The following ITPR2 variants were observed in gnomAD, a reference collection of about 807,000 sequenced individuals.
ITPR2 encodes inositol 1,4,5-trisphosphate receptor type 2, also known as inositol 1,4,5-trisphosphate-gated calcium channel ITPR2.
In ITPR2, 207 loss-of-function variants were observed where a neutral mutation model predicts 317.1. The observed-to-expected ratio is 0.65, with a 90% CI of 0.58 to 0.73. The LOEUF is 0.73. ITPR2 is among the 30% of genes least tolerant of loss of function. ITPR2 has a pLI of 0.00. For synonymous variants in ITPR2, 1,156 were observed against 1,149.1 expected (o/e 1.01, Z -0.12); for missense variants, 2,613 against 3,284.0 (o/e 0.80, Z 4.99).
chr12:26,524,817 A>G (rs1442966718), intron 37 of ITPR2, among the ~76,000 whole-genome samples: 1 of 152,230 alleles, frequency 6.6e-6, no homozygotes, highest in African/African-American at 2.4e-5. Flanking sequence ...GTTAAAATTA[A>G]GCAGGTTATC....
chr12:26,775,933 C>CATATATATATAT, intron 2 of ITPR2, among the ~76,000 whole-genome samples: 19,488 of 85,164 alleles, frequency 0.23, 4,996 homozygotes, highest in East Asian at 0.73. Context: ...CTCCCCTTTA[C>CATATATATATAT]ATATATATAT....
chr12:26,780,452 G>A (rs1351172701), intron 2 of ITPR2, among the ~76,000 whole-genome samples: 6 of 152,164 alleles, frequency 3.9e-5, no homozygotes, highest in Non-Finnish European at 8.8e-5. Flanking sequence ...ACACAACATT[G>A]CCACTGACCA....
chr12:26,832,833 G>T lies in ITPR2; in HGVS notation c.-52C>A. The T allele has an allele frequency of 7.0e-7, 1 of 1,420,138 alleles. No homozygotes were observed. The highest frequency in any genetic ancestry group is 9.8e-7 in the Non-Finnish European group (1 of 1,015,558). The allele number at this position is 1,420,138 out of a possible 1,614,324, so 88.0% of individuals were successfully genotyped here. ...CCCTCTTCTTCCCTGCGCCCTCGCC[G>T]CCCTCTCTCCAGGGAGCCGCCGCGG... On this transcript the variant is annotated 5_prime_UTR_variant, in exon 1 of 57. Coordinates refer to ENST00000381340, the MANE Select transcript of ITPR2 (RefSeq NM_002223.4).
chr12:26,513,515 T>C (rs1943410011), intron 37 of ITPR2, among the ~76,000 whole-genome samples: 2 of 151,940 alleles, frequency 1.3e-5, no homozygotes, highest in African/African-American at 4.8e-5. Flanking sequence ...CTCCAGCTGT[T>C]ACTCTTCCTC....
At chr12:26,818,512 G>C (rs1392113595) in intron 1 of ITPR2, among the ~76,000 whole-genome samples, 1 of 152,066 alleles carries the variant, frequency 6.6e-6, no homozygotes, top group Admixed American at 6.5e-5. Context: ...TGACCTGTCA[G>C]GTAAATAAAG....
At chr12:26,523,172 G>A (rs1943711418) in intron 37 of ITPR2, among the ~76,000 whole-genome samples, 1 of 152,142 alleles carries the variant, frequency 6.6e-6, no homozygotes, top group Non-Finnish European at 1.5e-5. Context: ...TCTTTACCAA[G>A]CCCCAATTTC....
Position 26,735,496 on chromosome 12 carries a change from AGG to A in ITPR2, c.164-9733_164-9732del, listed in dbSNP as rs905249204. Among the ~76,000 whole-genome samples the A allele has an allele frequency of 2.0e-5, 3 of 151,962 alleles. No homozygotes were observed. The South Asian group carries it at 6.3e-4, about 32-fold the overall frequency. On this transcript the variant is annotated intron_variant, in intron 2 of 56. Coordinates refer to ENST00000381340, the MANE Select transcript of ITPR2 (RefSeq NM_002223.4). ...GGGAAGGAGAAGAGAGGAGAGGGAG[AGG>A]GGGAAGGGAGAAGAAGAGGAGGGAA... is the stretch of plus-strand genomic sequence containing the variant.
intron 48 of ITPR2, among the ~76,000 whole-genome samples, chr12:26,430,680 T>G (rs1941181946): frequency 6.6e-6 from 1 of 152,252 alleles, no homozygotes; most frequent in African/African-American, 2.4e-5. Flanking sequence ...TGATATTATT[T>G]TAATAATACA....
chr12:26,782,034 G>A (rs4963669), intron 2 of ITPR2, among the ~76,000 whole-genome samples: 4,272 of 44,078 alleles, frequency 0.097, 257 homozygotes, highest in Non-Finnish European at 0.11. Context: ...ATATATATAT[G>A]TATAGAGAGA....
At chr12:26,360,248 G>A (rs889314801) in intron 55 of ITPR2, among the ~76,000 whole-genome samples, 3 of 152,132 alleles carry the variant, frequency 2.0e-5, no homozygotes, top group African/African-American at 7.2e-5. Flanking sequence ...AACACACCAC[G>A]AATCCTCTCT....
intron 2 of ITPR2, among the ~76,000 whole-genome samples, chr12:26,783,768 G>A (rs911565105): frequency 3.3e-5 from 5 of 152,084 alleles, no homozygotes; most frequent in Non-Finnish European, 7.4e-5. Flanking sequence ...AACGTCTGTG[G>A]TAGTCTCAAA....
chr12:26,715,627 A>G (rs1466242974), intron 7 of ITPR2, 125 bp downstream of exon 7: 4 of 755,200 alleles, frequency 5.3e-6, no homozygotes, highest in Non-Finnish European at 8.5e-6. Context: ...ACTTAGAGTA[A>G]GTATTAACAT....
intron 32 of ITPR2, among the ~76,000 whole-genome samples, chr12:26,588,546 T>C (rs1332508652): frequency 3.9e-5 from 6 of 152,240 alleles, no homozygotes; most frequent in African/African-American, 1.2e-4. Flanking sequence ...ATTGACTTAA[T>C]GTCACCAAAT....
At chr12:26,448,384 T>C (rs1243610986) in intron 45 of ITPR2, among the ~76,000 whole-genome samples, 2 of 152,054 alleles carry the variant, frequency 1.3e-5, no homozygotes, top group African/African-American at 4.8e-5. Flanking sequence ...GGGAAATCTC[T>C]GGGTCTTAGA....
At chr12:26,694,756 A>T (rs192647323) in intron 10 of ITPR2, among the ~76,000 whole-genome samples, 44 of 152,332 alleles carry the variant, frequency 2.9e-4, no homozygotes, top group African/African-American at 1.1e-3. Context: ...GAGCCCACCC[A>T]GTGCGCTAAA....
intron 37 of ITPR2, among the ~76,000 whole-genome samples, chr12:26,525,929 C>G (rs1943799911): frequency 6.6e-6 from 1 of 152,198 alleles, no homozygotes; most frequent in Non-Finnish European, 1.5e-5. Context: ...AACCTCCAAT[C>G]CAAGTCACCA....
intron 55 of ITPR2, among the ~76,000 whole-genome samples, chr12:26,346,270 T>G (rs1938303331): frequency 6.6e-6 from 1 of 152,194 alleles, no homozygotes; most frequent in African/African-American, 2.4e-5. Context: ...GACCATTAGA[T>G]AGAAGTGTAG....
intron 26 of ITPR2, among the ~76,000 whole-genome samples, chr12:26,618,617 G>A (rs1040420633): frequency 3.5e-4 from 53 of 152,084 alleles, no homozygotes; most frequent in African/African-American, 1.3e-3. Context: ...CTGGTAGAGG[G>A]GAACATACTG....
intron 34 of ITPR2, among the ~76,000 whole-genome samples, chr12:26,574,215 T>TA (rs76496267): frequency 0.02 from 2,752 of 137,366 alleles, 31 homozygotes; most frequent in African/African-American, 0.038. Flanking sequence ...GGGAACCTGT[T>TA]AAAAAAAAAA....
Sources: allele counts gnomAD v4.1 joint callset (sites outside exome capture counted in the v4.1 genomes callset), GRCh38; gene constraint gnomAD v4.1.1; transcripts MANE v1.5; gene names NCBI Gene and HGNC (gene_info 2026-07-23, HGNC 2026-07-21).